FAM193A: variants seen among roughly 807,000 people sequenced by gnomAD.
FAM193A encodes family with sequence similarity 193 member A.
FAM193A carries 22 observed loss-of-function variants against 126.5 expected under a neutral mutation model. That is an observed-to-expected ratio of 0.17 (90% CI 0.12 to 0.25). The LOEUF is 0.25. Ranked by LOEUF, FAM193A falls within the 10% of genes least tolerant of loss-of-function variation. The probability of loss-of-function intolerance (pLI) is 1.00; values close to 1 mark genes in which losing one functional copy is unlikely to be tolerated. For synonymous variants in FAM193A, 761 were observed against 646.8 expected, an observed-to-expected ratio of 1.18 and a Z score of -2.68; for missense variants, 1,675 against 1,672.8, an observed-to-expected ratio of 1.00 and a Z score of -0.02.
At chr4:2,647,256 C>T (rs1481505750) in intron 7 of FAM193A, among the ~76,000 whole-genome samples, 2 of 152,180 alleles carry the variant, frequency 1.3e-5, no homozygotes, top group Non-Finnish European at 2.9e-5. Context: ...AGTGATTCTC[C>T]TGCCTCAGCC....
At chr4:2,592,004 A>G (rs1158120994) in intron 1 of FAM193A, among the ~76,000 whole-genome samples, 1 of 152,154 alleles carries the variant, frequency 6.6e-6, no homozygotes, top group Non-Finnish European at 1.5e-5. Flanking sequence ...ATGGATATAT[A>G]TACACATTTT....
At chr4:2,675,878 A>G (rs1714346850) in intron 13 of FAM193A, among the ~76,000 whole-genome samples, 1 of 152,170 alleles carries the variant, frequency 6.6e-6, no homozygotes. Flanking sequence ...TGTACATGGA[A>G]TTGTACAGTA....
intron 13 of FAM193A, among the ~76,000 whole-genome samples, chr4:2,675,685 G>GA (rs1714318562): frequency 6.6e-6 from 1 of 152,168 alleles, no homozygotes; most frequent in Non-Finnish European, 1.5e-5. Flanking sequence ...CCATTTTTAA[G>GA]TGTAGAATTC....
intron 4 of FAM193A, among the ~76,000 whole-genome samples, chr4:2,629,129 G>C (rs1333705158): frequency 1.3e-5 from 2 of 151,326 alleles, no homozygotes; most frequent in African/African-American, 2.4e-5. Context: ...ACCCTGCCCC[G>C]CTGCCTTCTT....
At chr4:2,695,845 C>T (rs1253493229) in intron 17 of FAM193A, among the ~76,000 whole-genome samples, 2 of 152,090 alleles carry the variant, frequency 1.3e-5, no homozygotes, top group Admixed American at 1.3e-4. Flanking sequence ...AAGGGAGGAT[C>T]TCTTGAGCCC....
intron 13 of FAM193A, among the ~76,000 whole-genome samples, chr4:2,675,383 C>T (rs1185317125): frequency 6.6e-6 from 1 of 152,188 alleles, no homozygotes; most frequent in African/African-American, 2.4e-5. Flanking sequence ...TCGGTTTCTC[C>T]TTGCACAGTT....
chr4:2,630,224 AT>A (rs201528180), intron 4 of FAM193A, among the ~76,000 whole-genome samples: 2,620 of 151,408 alleles, frequency 0.017, 61 homozygotes, highest in African/African-American at 0.051. Context: ...GAAAATGCTC[AT>A]TGCATTTGTG....
intron 7 of FAM193A, 129 bp downstream of exon 7, chr4:2,646,961 G>A (rs1745210553): frequency 5.9e-6 from 6 of 1,021,976 alleles, no homozygotes; most frequent in Non-Finnish European, 8.2e-6. Context: ...AGAGGCGCAT[G>A]TGGGTAGCCC....
chr4:2,663,635 A>T (rs1447088663), intron 12 of FAM193A, among the ~76,000 whole-genome samples: 1 of 152,152 alleles, frequency 6.6e-6, no homozygotes, highest in Non-Finnish European at 1.5e-5. Flanking sequence ...AGGGTACCTT[A>T]TTAGCTTTTT....
chr4:2,701,935 C>G (rs1287507039), intron 19 of FAM193A, among the ~76,000 whole-genome samples: 3 of 152,076 alleles, frequency 2.0e-5, no homozygotes, highest in Non-Finnish European at 4.4e-5. Flanking sequence ...CACCACCACA[C>G]CCGGCTAATT....
At chr4:2,726,983 G>A (rs897544584) in intron 20 of FAM193A, among the ~76,000 whole-genome samples, 2 of 147,526 alleles carry the variant, frequency 1.4e-5, no homozygotes, top group East Asian at 2.0e-4. Flanking sequence ...GTGACCAGCC[G>A]GGCGCAGTGG....
chr4:2,570,551 T>C (rs1739231657), intron 1 of FAM193A, among the ~76,000 whole-genome samples: 1 of 152,154 alleles, frequency 6.6e-6, no homozygotes, highest in Non-Finnish European at 1.5e-5. Flanking sequence ...GCCACATCTT[T>C]CGTTATAGGA....
chr4:2,543,529 C>T (rs6824659), intron 1 of FAM193A, among the ~76,000 whole-genome samples: 49,715 of 151,472 alleles, frequency 0.33, 9,615 homozygotes, highest in Admixed American at 0.52. Context: ...AGACCCTCCC[C>T]GCCACTGCTC....
intron 7 of FAM193A, among the ~76,000 whole-genome samples, chr4:2,649,470 T>G (rs777569174): frequency 4.6e-5 from 7 of 151,506 alleles, no homozygotes; most frequent in Non-Finnish European, 5.9e-5. Flanking sequence ...CCCAGAAGTT[T>G]GAGATCAGCC....
At chr4:2,634,753 C>G (rs1743926319) in intron 5 of FAM193A, among the ~76,000 whole-genome samples, 1 of 152,152 alleles carries the variant, frequency 6.6e-6, no homozygotes, top group South Asian at 2.1e-4. Flanking sequence ...AAAAATCCTT[C>G]TCTGGTTATA....
intron 12 of FAM193A, among the ~76,000 whole-genome samples, chr4:2,670,431 A>C (rs538725082): frequency 5.3e-4 from 81 of 151,972 alleles, no homozygotes; most frequent in African/African-American, 2.0e-3. Context: ...TAACCGTTTG[A>C]CTATTTATTT....
At chr4:2,727,504 A>G (rs1720891911) in intron 20 of FAM193A, among the ~76,000 whole-genome samples, 1 of 152,226 alleles carries the variant, frequency 6.6e-6, no homozygotes, top group Non-Finnish European at 1.5e-5. Flanking sequence ...CCTTAGAGCC[A>G]CTACAGATTT....
At chr4:2,637,740 G>A (rs1286403371) in intron 5 of FAM193A, among the ~76,000 whole-genome samples, 1 of 152,208 alleles carries the variant, frequency 6.6e-6, no homozygotes. Context: ...GCCCCTCTAT[G>A]CTGGTTCCAC....
At chr4:2,603,135 AT>A (rs1330258442) in intron 2 of FAM193A, among the ~76,000 whole-genome samples, 2 of 147,652 alleles carry the variant, frequency 1.4e-5, no homozygotes, top group Non-Finnish European at 3.0e-5. Context: ...TGCCTGGCTA[AT>A]TTTGTGTGTA....
Sources: allele counts gnomAD v4.1 joint callset (sites outside exome capture counted in the v4.1 genomes callset), GRCh38; gene constraint gnomAD v4.1.1; transcripts MANE v1.5; gene names NCBI Gene and HGNC (gene_info 2026-07-23, HGNC 2026-07-21).